The following DPY19L2 variants were observed in gnomAD, a reference collection of about 807,000 sequenced individuals.
DPY19L2 encodes the protein dpy-19 like 2, also known as probable C-mannosyltransferase DPY19L2.
DPY19L2 carries 34 observed loss-of-function variants against 97.9 expected under a neutral mutation model. The observed-to-expected ratio is 0.35, with a 90% CI of 0.26 to 0.46. DPY19L2 has a LOEUF of 0.46. Among genes scored for constraint, DPY19L2 ranks in the 20% least tolerant of loss-of-function variants. DPY19L2 has a pLI of 1.00. For synonymous variants in DPY19L2, 230 were observed against 307.9 expected (o/e 0.75, Z 2.65); for missense variants, 623 against 911.4 (o/e 0.68, Z 4.07).
intron 6 of DPY19L2, among the ~76,000 whole-genome samples, chr12:63,640,280 A>G (rs1339465370): frequency 6.6e-6 from 1 of 152,182 alleles, no homozygotes; most frequent in East Asian, 1.9e-4. Context: ...CAGCACACCA[A>G]TATGGCACAA....
intron 16 of DPY19L2, among the ~76,000 whole-genome samples, chr12:63,589,965 T>C (rs370714185): frequency 6.6e-6 from 1 of 152,068 alleles, no homozygotes; most frequent in Admixed American, 6.5e-5. Context: ...CTGTCTCTAC[T>C]AAAAATATAA....
chr12:63,561,858 C>A (rs1214064215), intron 21 of DPY19L2, among the ~76,000 whole-genome samples: 1 of 152,100 alleles, frequency 6.6e-6, no homozygotes, highest in Admixed American at 6.5e-5. Flanking sequence ...TCTTTATAAG[C>A]AAGTTCAAAA....
intron 11 of DPY19L2, among the ~76,000 whole-genome samples, chr12:63,616,660 C>T (rs1207578592): frequency 6.6e-6 from 1 of 152,104 alleles, no homozygotes; most frequent in Non-Finnish European, 1.5e-5. Context: ...AGTGTCATTC[C>T]ATGTAGTTCC....
At chr12:63,568,409 C>A (rs1201558564) in intron 21 of DPY19L2, among the ~76,000 whole-genome samples, 1 of 151,962 alleles carries the variant, frequency 6.6e-6, no homozygotes, top group African/African-American at 2.4e-5. Flanking sequence ...TCTTTTAATT[C>A]ATTGAATACA....
intron 16 of DPY19L2, among the ~76,000 whole-genome samples, chr12:63,592,010 G>A (rs1883094320): frequency 1.2e-4 from 1 of 8,362 alleles, no homozygotes; most frequent in Non-Finnish European, 2.8e-4. Flanking sequence ...GGAAGGGAGG[G>A]GAGGGGAGGG....
At chr12:63,638,229 A>T (rs781713045) in intron 6 of DPY19L2, among the ~76,000 whole-genome samples, 36 of 152,284 alleles carry the variant, frequency 2.4e-4, no homozygotes, top group Non-Finnish European at 4.4e-4. Context: ...AGAGCTATCT[A>T]TGACAAACCC....
At chr12:63,623,450 G>T (rs1426728668) in intron 8 of DPY19L2, among the ~76,000 whole-genome samples, 3 of 152,066 alleles carry the variant, frequency 2.0e-5, no homozygotes, top group East Asian at 3.8e-4. Context: ...CTTAAACTGT[G>T]AAGAGAAAAT....
intron 9 of DPY19L2, chr12:63,619,963 T>A (rs1028805607): frequency 8.8e-6 from 4 of 455,876 alleles, no homozygotes; most frequent in South Asian, 1.5e-5. Flanking sequence ...CCAACTTTTA[T>A]GAAGTTAAAC....
intron 12 of DPY19L2, among the ~76,000 whole-genome samples, 189 bp downstream of exon 12, chr12:63,608,427 A>C (rs988657079): frequency 9.8e-5 from 15 of 152,286 alleles, no homozygotes; most frequent in African/African-American, 3.4e-4. Flanking sequence ...ACTTCTTGAA[A>C]ATGATTTCTA....
At chr12:63,570,021 T>A (rs982886021) in intron 20 of DPY19L2, among the ~76,000 whole-genome samples, 3 of 152,158 alleles carry the variant, frequency 2.0e-5, no homozygotes, top group Non-Finnish European at 4.4e-5. Flanking sequence ...AGAGAGAGCA[T>A]CAGGTACATT....
chr12:63,616,401 A>AT (rs1887830757), intron 11 of DPY19L2, among the ~76,000 whole-genome samples: 1 of 152,206 alleles, frequency 6.6e-6, no homozygotes, highest in Non-Finnish European at 1.5e-5. Flanking sequence ...AGGGATTACT[A>AT]TGAGGGAAGA....
intron 16 of DPY19L2, among the ~76,000 whole-genome samples, chr12:63,587,040 A>C (rs1053692569): frequency 2.6e-5 from 4 of 152,100 alleles, no homozygotes; most frequent in Non-Finnish European, 5.9e-5. Flanking sequence ...ACAATGAGAA[A>C]TATACCTAAA....
intron 16 of DPY19L2, among the ~76,000 whole-genome samples, chr12:63,587,594 G>T: frequency 1.7e-5 from 1 of 60,212 alleles, no homozygotes; most frequent in African/African-American, 9.2e-5. Context: ...TATTATTATT[G>T]AGACAGAGCC....
At chr12:63,614,142 A>C (rs1887473956) in intron 11 of DPY19L2, among the ~76,000 whole-genome samples, 1 of 150,724 alleles carries the variant, frequency 6.6e-6, no homozygotes, top group Non-Finnish European at 1.5e-5. Flanking sequence ...GTGAGCCAAG[A>C]CTGCACCATT....
intron 6 of DPY19L2, among the ~76,000 whole-genome samples, chr12:63,638,775 T>C (rs1268986189): frequency 6.6e-6 from 1 of 152,160 alleles, no homozygotes; most frequent in Admixed American, 6.5e-5. Context: ...ATTGCCATAC[T>C]GCCCAAGGTA....
At chr12:63,561,828 T>C (rs1488540175) in intron 21 of DPY19L2, among the ~76,000 whole-genome samples, 2 of 152,066 alleles carry the variant, frequency 1.3e-5, no homozygotes, top group Non-Finnish European at 2.9e-5. Flanking sequence ...CATGGTTATG[T>C]ATGATTAAGT....
At chr12:63,592,400 T>C (rs1883260489) in intron 16 of DPY19L2, among the ~76,000 whole-genome samples, 1 of 149,558 alleles carries the variant, frequency 6.7e-6, no homozygotes, top group Non-Finnish European at 1.5e-5. Flanking sequence ...ACTACAAGGC[T>C]ACAGTAACCA....
chr12:63,647,638 G>A (rs1010313114), intron 4 of DPY19L2, among the ~76,000 whole-genome samples: 2 of 152,064 alleles, frequency 1.3e-5, no homozygotes, highest in African/African-American at 4.8e-5. Context: ...TGACTTTGAT[G>A]AGCTGATTTA....
intron 13 of DPY19L2, among the ~76,000 whole-genome samples, chr12:63,599,971 T>C (rs1307757517): frequency 4.6e-5 from 7 of 152,206 alleles, no homozygotes; most frequent in Non-Finnish European, 1.0e-4. Flanking sequence ...CAGCCTCCCA[T>C]ATGTTAACAT....
Sources: allele counts gnomAD v4.1 joint callset (sites outside exome capture counted in the v4.1 genomes callset), GRCh38; gene constraint gnomAD v4.1.1; transcripts MANE v1.5; gene names NCBI Gene and HGNC (gene_info 2026-07-23, HGNC 2026-07-21).